TMEM273: variants seen among roughly 807,000 people sequenced by gnomAD.
TMEM273 encodes the protein transmembrane protein 273, also known as chromosome 10 open reading frame 128.
A neutral mutation model predicts 17.9 loss-of-function variants in TMEM273; 19 were observed. That is an observed-to-expected ratio of 1.06 (90% CI 0.74 to 1.55). TMEM273 has a LOEUF of 1.55. TMEM273 is among the 40% of genes most tolerant of loss of function. TMEM273 has a pLI of 0.00. For missense variants in TMEM273, 194 were observed against 155.6 expected (o/e 1.25, Z -1.31); for synonymous variants, 66 against 62.0 (o/e 1.07, Z -0.31).
At chr10:49,158,711 A>ATAT (rs1242213923) in intron 6 of TMEM273, among the ~76,000 whole-genome samples, 2 of 152,216 alleles carry the variant, frequency 1.3e-5, no homozygotes, top group Non-Finnish European at 2.9e-5. Context: ...AATTTAGAAC[A>ATAT]TTATAAAAGA....
At chr10:49,171,809 G>T (rs1363172579) in intron 1 of TMEM273, among the ~76,000 whole-genome samples, 1 of 152,218 alleles carries the variant, frequency 6.6e-6, no homozygotes, top group South Asian at 2.1e-4. Flanking sequence ...TGAAGGCACG[G>T]CCTAGCTTTG....
Position 49,155,624 on chromosome 10 carries a change from C to T in TMEM273, c.*268G>A. The T allele has an allele frequency of 1.8e-6, 1 of 562,238 alleles. No homozygotes were observed. Among genetic ancestry groups the T allele is most frequent in the Non-Finnish European group, 3.2e-6 (1 of 315,348 alleles). 34.8% of individuals were successfully genotyped at this position (562,238 alleles called of 1,614,324 possible). On this transcript the variant is annotated 3_prime_UTR_variant, in exon 7 of 7. Coordinates refer to ENST00000374153, the MANE Select transcript of TMEM273 (RefSeq NM_001288740.3). ...TGAACAGCTCCAACACAGGGTGAAG[C>T]TTTTGGTGTCCACCTTCTTCCACTG...
In TMEM273 at chr10:49,186,105, GAAGAGGAAGAAGAAGAAA is replaced by G. The variant is rs58572324; in HGVS notation, c.43+2171_43+2188del. Among the ~76,000 whole-genome samples the G allele has an allele frequency of 9.1e-3, 1,327 of 146,070 alleles. 12 individuals carry two copies. The highest frequency in any genetic ancestry group is 0.021 in the Middle Eastern group (6 of 292). Reference sequence around the variant, plus strand: ...AGAAGAAGAAGAAGAAGAAGAAGAAGAAGAGGAAGAAGAAGAAAAAGAGGAAGAAGAAGGAGACTAAAC... The same window carrying G: ...AGAAGAAGAAGAAGAAGAAGAAGAAGAAGAGGAAGAAGAAGGAGACTAAAC... On this transcript the variant is annotated intron_variant, in intron 1 of 6. Coordinates refer to ENST00000374153, the MANE Select transcript of TMEM273 (RefSeq NM_001288740.3).
chr10:49,163,966 T>A (rs1478203646), intron 5 of TMEM273, among the ~76,000 whole-genome samples: 2 of 152,026 alleles, frequency 1.3e-5, no homozygotes. Context: ...CATTAATCCA[T>A]CCGCTCCTTC....
At chr10:49,177,463 C>A (rs553130987) in intron 1 of TMEM273, among the ~76,000 whole-genome samples, 3 of 152,278 alleles carry the variant, frequency 2.0e-5, no homozygotes, top group South Asian at 2.1e-4. Flanking sequence ...GAAAAAAATT[C>A]TTCGCATTTG....
intron 5 of TMEM273, among the ~76,000 whole-genome samples, chr10:49,164,849 C>A (rs1349854893): frequency 6.6e-6 from 1 of 152,102 alleles, no homozygotes; most frequent in Non-Finnish European, 1.5e-5. Context: ...ACCCCCACCC[C>A]CACTGTGCAG....
chr10:49,167,463 G>T (rs1846269237), intron 2 of TMEM273, among the ~76,000 whole-genome samples: 1 of 152,270 alleles, frequency 6.6e-6, no homozygotes, highest in African/African-American at 2.4e-5. Context: ...CTCATGACGG[G>T]AGAGGCTGGG....
chr10:49,182,357 A>T (rs911583554), intron 1 of TMEM273, among the ~76,000 whole-genome samples: 1 of 152,074 alleles, frequency 6.6e-6, no homozygotes, highest in African/African-American at 2.4e-5. Flanking sequence ...ATAAAAACGA[A>T]TTTAATTCTC....
chr10:49,167,738 C>T (rs557155798), intron 2 of TMEM273, among the ~76,000 whole-genome samples, 171 bp downstream of exon 2: 1 of 152,196 alleles, frequency 6.6e-6, no homozygotes, highest in African/African-American at 2.4e-5. Context: ...AAGGCCTTTC[C>T]CCCGAAATAA....
chr10:49,187,547 A>T (rs1273377062), intron 1 of TMEM273, among the ~76,000 whole-genome samples: 1 of 152,074 alleles, frequency 6.6e-6, no homozygotes, highest in African/African-American at 2.4e-5. Context: ...ATCAGAGGGG[A>T]CTTCGTAAAG....
intron 5 of TMEM273, among the ~76,000 whole-genome samples, 190 bp from the exon 6 acceptor site, chr10:49,161,812 G>C (rs532731462): frequency 6.6e-6 from 1 of 152,148 alleles, no homozygotes; most frequent in Non-Finnish European, 1.5e-5. Context: ...CTCTCTGAAA[G>C]TCCCTCTATT....
chr10:49,177,242 A>G (rs867436578), intron 1 of TMEM273, among the ~76,000 whole-genome samples: 1 of 152,168 alleles, frequency 6.6e-6, no homozygotes, highest in Non-Finnish European at 1.5e-5. Context: ...AGGTGGAGGG[A>G]TCAGGTGCAG....
At chr10:49,181,186 T>C (rs921330216) in intron 1 of TMEM273, among the ~76,000 whole-genome samples, 16 of 152,188 alleles carry the variant, frequency 1.1e-4, no homozygotes, top group Non-Finnish European at 1.9e-4. Flanking sequence ...GTAAGTCTAA[T>C]AGCACAACCT....
At chr10:49,155,980 A>G in intron 6 of TMEM273, 71 bp from the exon 7 acceptor site, 1 of 1,612,614 alleles carries the variant, frequency 6.2e-7, no homozygotes, top group South Asian at 1.1e-5. Context: ...GCATGTGTTT[A>G]TGCAATTCAC....
Position 49,155,669 on chromosome 10 carries a change from C to A in TMEM273, c.*223G>T. 1.6e-6 allele frequency: 1 copy of A among 632,544 alleles called. No homozygotes were observed. Among genetic ancestry groups the A allele is most frequent in the Non-Finnish European group, 2.7e-6 (1 of 369,614 alleles). The allele number at this position is 632,544 out of a possible 1,614,324, so 39.2% of individuals were successfully genotyped here. ...CCACTGCAGGCTAAATTGCTCAATC[C>A]TTCCTCTGTGCAGTCCGTTTCTTCC... On this transcript the variant is annotated 3_prime_UTR_variant, in exon 7 of 7. Coordinates refer to ENST00000374153, the MANE Select transcript of TMEM273 (RefSeq NM_001288740.3).
At chr10:49,172,753 G>A (rs1220903276) in intron 1 of TMEM273, among the ~76,000 whole-genome samples, 1 of 152,198 alleles carries the variant, frequency 6.6e-6, no homozygotes, top group Non-Finnish European at 1.5e-5. Context: ...TTGAGTGTGT[G>A]CACAGAGTGA....
chr10:49,166,004 A>G (rs1455415084), intron 3 of TMEM273, among the ~76,000 whole-genome samples: 2 of 151,520 alleles, frequency 1.3e-5, no homozygotes, highest in African/African-American at 4.9e-5. Context: ...GGATAAGCAA[A>G]CTCCCATGGC....
chr10:49,157,164 A>G (rs545471953), intron 6 of TMEM273, among the ~76,000 whole-genome samples: 1 of 152,302 alleles, frequency 6.6e-6, no homozygotes, highest in African/African-American at 2.4e-5. Context: ...AGCCCAAGAG[A>G]GCAGCCTCCT....
At chr10:49,180,972 C>A in intron 1 of TMEM273, among the ~76,000 whole-genome samples, 1 of 152,178 alleles carries the variant, frequency 6.6e-6, no homozygotes, top group East Asian at 1.9e-4. Context: ...AAAAATAAGA[C>A]TAACCCTATT....
Sources: allele counts gnomAD v4.1 joint callset (sites outside exome capture counted in the v4.1 genomes callset), GRCh38; gene constraint gnomAD v4.1.1; transcripts MANE v1.5; gene names NCBI Gene and HGNC (gene_info 2026-07-23, HGNC 2026-07-21).